Variants in AVL9 observed in about 807,000 individuals in gnomAD.
AVL9 encodes the protein late secretory pathway protein AVL9 homolog.
A neutral mutation model predicts 79.2 loss-of-function variants in AVL9; 49 were observed. The ratio of observed to expected loss-of-function variants is 0.62; its 90% CI spans 0.49 to 0.79. The LOEUF (loss-of-function observed/expected upper bound fraction) is 0.79, where lower values mean the gene tolerates loss of function less well. AVL9 is among the 30% of genes least tolerant of loss of function. The pLI, the probability that AVL9 is intolerant of heterozygous loss-of-function variation, is 0.00. For missense variants in AVL9, 682 were observed against 776.8 expected (o/e 0.88, Z 1.45); for synonymous variants, 299 against 280.6 (o/e 1.07, Z -0.65).
At chr7:32,566,776 C>T (rs182934491) in intron 10 of AVL9, among the ~76,000 whole-genome samples, 83 of 151,912 alleles carry the variant, frequency 5.5e-4, no homozygotes, top group Admixed American at 2.5e-3. Flanking sequence ...TCAGCTACTC[C>T]GGAGGCTGAG....
intron 1 of AVL9, among the ~76,000 whole-genome samples, chr7:32,503,506 T>C (rs1787269019): frequency 7.2e-6 from 1 of 139,296 alleles, no homozygotes; most frequent in Admixed American, 7.6e-5. Context: ...TGCAGTGAGC[T>C]GAGATCTTGC....
chr7:32,567,683 A>G (rs192426684), intron 10 of AVL9, among the ~76,000 whole-genome samples: 1 of 151,122 alleles, frequency 6.6e-6, no homozygotes, highest in Non-Finnish European at 1.5e-5. Context: ...TTTGCCCTTT[A>G]TTTTTTATTT....
At chr7:32,565,994 G>C (rs1405976452) in intron 10 of AVL9, among the ~76,000 whole-genome samples, 2 of 143,420 alleles carry the variant, frequency 1.4e-5, no homozygotes, top group African/African-American at 2.6e-5. Flanking sequence ...AAAAAAGGCT[G>C]GGTGTGGTGG....
intron 1 of AVL9, among the ~76,000 whole-genome samples, chr7:32,506,181 G>C (rs7797405): frequency 1.3e-5 from 2 of 151,568 alleles, no homozygotes; most frequent in African/African-American, 4.8e-5. Context: ...AAAATGTTTC[G>C]ACTTTTTAAT....
intron 11 of AVL9, among the ~76,000 whole-genome samples, chr7:32,571,168 G>T (rs984413480): frequency 6.8e-6 from 1 of 147,288 alleles, no homozygotes; most frequent in Non-Finnish European, 1.5e-5. Context: ...GGAGGTGGAG[G>T]TTGCAGTGAG....
chr7:32,527,063 G>A (rs569898227), intron 1 of AVL9, among the ~76,000 whole-genome samples: 2 of 152,168 alleles, frequency 1.3e-5, no homozygotes, highest in East Asian at 1.9e-4. Flanking sequence ...AGAAGTGGGC[G>A]TGTGAGATTG....
chr7:32,567,519 C>A (rs1790637323), intron 10 of AVL9, among the ~76,000 whole-genome samples: 1 of 152,036 alleles, frequency 6.6e-6, no homozygotes, highest in South Asian at 2.1e-4. Flanking sequence ...AAAAAGTCTC[C>A]CTTCCATTTC....
chr7:32,544,565 G>A (rs1367284324), intron 2 of AVL9, 129 bp from the exon 3 acceptor site: 3 of 639,728 alleles, frequency 4.7e-6, no homozygotes, highest in Non-Finnish European at 8.0e-6. Flanking sequence ...CTACAAATAA[G>A]TATGATTTGG....
In AVL9 at chr7:32,587,280, G is replaced by T. The variant is rs1430333112; in HGVS notation, c.*3373G>T. 6.6e-6 allele frequency: 1 copy of T among 152,146 alleles called. No homozygotes were observed. Among genetic ancestry groups the T allele is most frequent in the Non-Finnish European group, 1.5e-5 (1 of 68,030 alleles). The allele number at this position is 152,146 out of a possible 1,614,324, so 9.4% of individuals were successfully genotyped here. A position where few individuals can be genotyped will look rare whatever the true frequency, so the allele number is the denominator to read the frequency against. On this transcript the variant is annotated 3_prime_UTR_variant, in exon 16 of 16. Transcript: ENST00000318709. ...TGAGAGCAGTATTTCATGTGCTAAG[G>T]GTTATAAGAATTCTTTTAGAAAGGG...
chr7:32,515,116 C>T (rs1027470022), intron 1 of AVL9, among the ~76,000 whole-genome samples: 1 of 152,184 alleles, frequency 6.6e-6, no homozygotes, highest in African/African-American at 2.4e-5. Flanking sequence ...TATTATGTCT[C>T]CATAAAATGT....
At chr7:32,498,422 A>G (rs778566525) in intron 1 of AVL9, among the ~76,000 whole-genome samples, 12 of 151,420 alleles carry the variant, frequency 7.9e-5, no homozygotes, top group African/African-American at 1.2e-4. Context: ...CTAATTTTTT[A>G]TATTTTTGGT....
chr7:32,563,135 G>A (rs1316045467), intron 10 of AVL9, among the ~76,000 whole-genome samples: 5 of 152,026 alleles, frequency 3.3e-5, no homozygotes, highest in Admixed American at 6.6e-5. Context: ...AGGTTCAAGC[G>A]ATTCTCCTGC....
At chr7:32,558,524 G>A (rs1736289373) in intron 8 of AVL9, 35 bp from the exon 9 acceptor site, 3 of 1,481,342 alleles carry the variant, frequency 2.0e-6, no homozygotes, top group African/African-American at 1.4e-5. Flanking sequence ...GGCTTCATGG[G>A]TCTTCTAATT....
rs749306635 is a variant in AVL9 at position 32,540,871 on chromosome 7, CTTTTTTTTTTTTTTTTTTTTTTTTTTTTT to C, written c.94-2253_94-2225del. 7.7e-4 allele frequency among the ~76,000 whole-genome samples: 56 copies of C among 72,470 alleles called. 3 individuals carry two copies. The highest frequency in any genetic ancestry group is 1.4e-3 in the Admixed American group (6 of 4,424). 47.5% of individuals were successfully genotyped at this position (72,470 alleles called of 152,430 possible). ...AATGAGATTAAGCATTGTTGTACTA[CTTTTTTTTTTTTTTTTTTTTTTTTTTTTT>C]TTTTTTTTTTTTTTTTGAGACGGAG... On this transcript the variant is annotated intron_variant, in intron 1 of 15. Coordinates refer to ENST00000318709, the MANE Select transcript of AVL9 (RefSeq NM_015060.3).
At chr7:32,566,180 A>ATCTTT (rs70992731) in intron 10 of AVL9, among the ~76,000 whole-genome samples, 30 of 93,876 alleles carry the variant, frequency 3.2e-4, no homozygotes, top group East Asian at 9.9e-4. Context: ...TATTATTATT[A>ATCTTT]TTTTTTTTTT....
chr7:32,525,619 T>A (rs1386462804), intron 1 of AVL9, among the ~76,000 whole-genome samples: 1 of 152,216 alleles, frequency 6.6e-6, no homozygotes, highest in Non-Finnish European at 1.5e-5. Flanking sequence ...ATGAATTATA[T>A]CTTGGCTACA....
intron 3 of AVL9, 99 bp from the exon 4 acceptor site, chr7:32,548,748 A>G: frequency 3.7e-6 from 3 of 816,066 alleles, no homozygotes; most frequent in Non-Finnish European, 5.5e-6. Flanking sequence ...ACTGAATGTA[A>G]GAAATTTCTT....
At chr7:32,571,677 A>T (rs1375537984) in intron 11 of AVL9, among the ~76,000 whole-genome samples, 1 of 44,452 alleles carries the variant, frequency 2.2e-5, no homozygotes, top group Non-Finnish European at 4.4e-5. Context: ...AAATTTGAAG[A>T]AGAAAAAGTA....
In AVL9 at chr7:32,559,462, A is replaced by G. The variant is rs776801498; in HGVS notation, c.1213A>G (p.Lys405Glu). The change falls in exon 10 of 16, where the codon AAG (lysine) becomes GAG (glutamate). Residue 405 changes from lysine to glutamate, a missense_variant and splice_region_variant. By Grantham distance (56) the Lys-to-Glu change is moderately conservative (BLOSUM62 1). Coordinates refer to ENST00000318709, the MANE Select transcript of AVL9 (RefSeq NM_015060.3). ...QYGMPLAIFTKGYLCLPYMAL... is the reference protein window; with the variant it reads ...QYGMPLAIFTEGYLCLPYMAL... ...TGGCATGCCCCTGGCCATCTTCACA[A>G]AGGTAAAGTGTAATATTTTTTATCG... 1 of 1,531,550 alleles carries G rather than the reference A, an allele frequency of 6.5e-7. No individual in the cohort carries two copies. 94.9% of individuals were successfully genotyped at this position (1,531,550 alleles called of 1,614,324 possible).
Sources: gnomAD v4.1 joint callset for allele counts (sites outside exome capture counted in the v4.1 genomes callset) on GRCh38, gnomAD v4.1.1 for gene constraint, MANE v1.5 for transcripts, NCBI Gene and HGNC (gene_info 2026-07-23, HGNC 2026-07-21) for gene names.